The following NUDT3 variants were observed in gnomAD, a reference collection of about 807,000 sequenced individuals.
NUDT3 encodes diphosphoinositol polyphosphate phosphohydrolase 1.
Under a neutral mutation model 23.6 loss-of-function variants are expected in NUDT3, and 9 were observed. The observed-to-expected ratio is 0.38, with a 90% CI of 0.23 to 0.66. The LOEUF (loss-of-function observed/expected upper bound fraction) is 0.66, where lower values mean the gene tolerates loss of function less well. Among genes scored for constraint, NUDT3 ranks in the 30% least tolerant of loss-of-function variants. NUDT3 has a pLI of 0.52. For missense variants in NUDT3, 172 were observed against 218.5 expected, an observed-to-expected ratio of 0.79 and a Z score of 1.34; for synonymous variants, 86 against 82.6, an observed-to-expected ratio of 1.04 and a Z score of -0.22.
At position 34,387,668 on chromosome 6, in the gene NUDT3, C is replaced by CT. The variant is rs201471818; in HGVS notation, c.99+4595dup. ...TGGGGAACAGAGCAAGATCTCATCT[C>CT]TTTTTAAAAAAAAAAAAAAAAAAAA... On this transcript the variant is annotated intron_variant, in intron 1 of 4. Coordinates refer to ENST00000607016, the MANE Select transcript of NUDT3 (RefSeq NM_006703.4). Among the ~76,000 whole-genome samples the CT allele has an allele frequency of 3.1e-4, 32 of 103,158 alleles. 1 individual carries two copies. Among genetic ancestry groups the CT allele is most frequent in the East Asian group, 2.2e-3 (8 of 3,568 alleles). 67.7% of individuals were successfully genotyped at this position (103,158 alleles called of 152,430 possible).
chr6:34,290,066 T>C (rs1260283520), intron 4 of NUDT3, among the ~76,000 whole-genome samples: 1 of 152,156 alleles, frequency 6.6e-6, no homozygotes, highest in Non-Finnish European at 1.5e-5. Context: ...CTGCTCCATT[T>C]TCCTCATCTA....
At chr6:34,293,147 C>G (rs747218327) in intron 4 of NUDT3, among the ~76,000 whole-genome samples, 1 of 152,136 alleles carries the variant, frequency 6.6e-6, no homozygotes, top group Non-Finnish European at 1.5e-5. Context: ...AATGTGACCT[C>G]AAACTCCCAA....
rs371175665 is a variant in NUDT3 at position 34,336,252 on chromosome 6, AAAAC to A, written c.210+5606_210+5609del. On this transcript the variant is annotated intron_variant, in intron 2 of 4. Transcript: ENST00000607016. ...GGATGACAGAGCGAGACTCCATCTCAAAACAAACAAACAAACAAACAAACAAAAG... is the reference window on the plus strand; with the variant it reads ...GGATGACAGAGCGAGACTCCATCTCAAAACAAACAAACAAACAAACAAAAG... Among the ~76,000 whole-genome samples, 321 of 152,156 alleles carry A rather than the reference AAAAC, an allele frequency of 2.1e-3. 1 individual carries two copies. Among genetic ancestry groups the A allele is most frequent in the East Asian group, 0.011 (55 of 5,176 alleles).
chr6:34,325,817 C>T (rs1258465459), intron 2 of NUDT3, among the ~76,000 whole-genome samples: 2 of 152,136 alleles, frequency 1.3e-5, no homozygotes, highest in Non-Finnish European at 2.9e-5. Context: ...AATAAAGACA[C>T]GGTAGTGCTG....
intron 2 of NUDT3, among the ~76,000 whole-genome samples, chr6:34,298,162 G>A (rs913635237): frequency 1.3e-5 from 2 of 152,032 alleles, no homozygotes; most frequent in African/African-American, 4.8e-5. Flanking sequence ...AAGAGTTCGA[G>A]ACCAGCCTGG....
intron 2 of NUDT3, among the ~76,000 whole-genome samples, chr6:34,301,468 A>G (rs1763596147): frequency 6.6e-6 from 1 of 152,254 alleles, no homozygotes; most frequent in African/African-American, 2.4e-5. Flanking sequence ...CTAGGCCTCA[A>G]GAGGCCTTGT....
chr6:34,374,641 C>T (rs1194612602), intron 1 of NUDT3, among the ~76,000 whole-genome samples: 1 of 152,086 alleles, frequency 6.6e-6, no homozygotes, highest in Non-Finnish European at 1.5e-5. Context: ...CTTCTCAATC[C>T]AGCATTTGTC....
chr6:34,325,221 T>C (rs1031944003), intron 2 of NUDT3, among the ~76,000 whole-genome samples: 1 of 150,882 alleles, frequency 6.6e-6, no homozygotes, highest in Non-Finnish European at 1.5e-5. Flanking sequence ...CTTTATATAA[T>C]GAATTTTTTT....
At chr6:34,366,065 T>TA (rs1241297460) in intron 1 of NUDT3, among the ~76,000 whole-genome samples, 51 of 150,866 alleles carry the variant, frequency 3.4e-4, no homozygotes, top group East Asian at 2.6e-3. Flanking sequence ...AATAAATAAA[T>TA]AATATTTTTT....
intron 1 of NUDT3, among the ~76,000 whole-genome samples, chr6:34,362,230 G>A (rs1764661609): frequency 6.6e-6 from 1 of 152,110 alleles, no homozygotes; most frequent in African/African-American, 2.4e-5. Context: ...GAGAAGGAAA[G>A]ACAAAGGTCC....
chr6:34,362,335 C>T (rs1330375136), intron 1 of NUDT3, among the ~76,000 whole-genome samples: 1 of 152,018 alleles, frequency 6.6e-6, no homozygotes, highest in African/African-American at 2.4e-5. Context: ...CATGCCACCA[C>T]ACCTGGCTAA....
rs188610501 is a variant in NUDT3, at chr6:34,282,174, A to G, written c.*6579T>C. 5.3e-5 allele frequency: 8 copies of G among 152,300 alleles called. No homozygotes were observed. In the East Asian group the frequency reaches 1.5e-3, roughly 29 times the overall value. 9.4% of individuals were successfully genotyped at this position (152,300 alleles called of 1,614,324 possible). A position where few individuals can be genotyped will look rare whatever the true frequency, so the allele number is the denominator to read the frequency against. Reference sequence around the variant, plus strand: ...ATTAGTGACACATTTTCTCCACAACAAAGGGAGGTTAAAGACAAAGGTTTA... The same window carrying G: ...ATTAGTGACACATTTTCTCCACAACGAAGGGAGGTTAAAGACAAAGGTTTA... On this transcript the variant is annotated 3_prime_UTR_variant, in exon 5 of 5. Transcript: ENST00000607016.
At position 34,284,805 on chromosome 6, in the gene NUDT3, G is replaced by A. The variant is rs1449840008; in HGVS notation, c.*3948C>T. Reference sequence around the variant, plus strand: ...AGGGTGACTTTTTTCTTCTAAGCAAGCAAGCCTGAGAGGCATTACATGGGC... The same window carrying A: ...AGGGTGACTTTTTTCTTCTAAGCAAACAAGCCTGAGAGGCATTACATGGGC... On this transcript the variant is annotated 3_prime_UTR_variant, in exon 5 of 5. Transcript: ENST00000607016. 6.6e-6 allele frequency: 1 copy of A among 152,172 alleles called. No individual in the cohort carries two copies. The highest frequency in any genetic ancestry group is 1.5e-5 in the Non-Finnish European group (1 of 68,024). The allele number at this position is 152,172 out of a possible 1,614,324, so 9.4% of individuals were successfully genotyped here.
In NUDT3 at chr6:34,392,248, C is replaced by T. The variant is rs760377702; in HGVS notation, c.99+16G>A. ...GGAGACCCGGCGACCCCGGCCCGCC[C>T]AGCCTGCCGCCTCACCTCCTCCTCG... On this transcript the variant is annotated intron_variant, in intron 1 of 4. Coordinates refer to ENST00000607016, the MANE Select transcript of NUDT3 (RefSeq NM_006703.4). 2 of 1,571,858 alleles carry T rather than the reference C, an allele frequency of 1.3e-6. No individual in the cohort carries two copies. Among genetic ancestry groups the T allele is most frequent in the Non-Finnish European group, 1.7e-6 (2 of 1,165,720 alleles).
In NUDT3 at chr6:34,342,026, C is replaced by T. The variant is rs1014977575; in HGVS notation, c.100-54G>A. 6 of 1,522,840 alleles carry T rather than the reference C, an allele frequency of 3.9e-6. No homozygotes were observed. The African/African-American group carries it at 8.2e-5, about 21-fold the overall frequency. 94.3% of individuals were successfully genotyped at this position (1,522,840 alleles called of 1,614,324 possible). A position where few individuals can be genotyped will look rare whatever the true frequency, so the allele number is the denominator to read the frequency against. ...GGTTAAAAATTCAAAGACACATCCA[C>T]ACAAATTCAGAGTTTAAACACCACA... is the stretch of plus-strand genomic sequence containing the variant. On this transcript the variant is annotated intron_variant, in intron 1 of 4. Transcript: ENST00000607016.
intron 1 of NUDT3, among the ~76,000 whole-genome samples, chr6:34,352,566 G>A (rs1217955450): frequency 1.3e-5 from 2 of 152,126 alleles, no homozygotes; most frequent in African/African-American, 4.8e-5. Context: ...GGAATACACT[G>A]TAAAATCCCT....
intron 1 of NUDT3, among the ~76,000 whole-genome samples, chr6:34,369,751 T>TTA (rs1220867530): frequency 6.6e-6 from 1 of 152,070 alleles, no homozygotes; most frequent in Admixed American, 6.6e-5. Context: ...TTATAACTTA[T>TTA]TATAACTGAA....
intron 1 of NUDT3, among the ~76,000 whole-genome samples, chr6:34,377,832 CAAAA>C (rs774757508): frequency 3.2e-5 from 2 of 61,610 alleles, no homozygotes; most frequent in Non-Finnish European, 6.9e-5. Flanking sequence ...GACTCCGTCT[CAAAA>C]AAAAAAAAAA....
At chr6:34,379,221 T>C (rs1764973328) in intron 1 of NUDT3, among the ~76,000 whole-genome samples, 1 of 152,084 alleles carries the variant, frequency 6.6e-6, no homozygotes, top group South Asian at 2.1e-4. Flanking sequence ...ATGTGTGACA[T>C]AGTATAAAAG....
Sources: gnomAD v4.1 joint callset for allele counts (sites outside exome capture counted in the v4.1 genomes callset) on GRCh38, gnomAD v4.1.1 for gene constraint, MANE v1.5 for transcripts, NCBI Gene and HGNC (gene_info 2026-07-23, HGNC 2026-07-21) for gene names.